ABLIM2: variants seen among roughly 807,000 people sequenced by gnomAD.
The protein encoded by ABLIM2 is actin binding LIM protein family member 2.
A neutral mutation model predicts 97.7 loss-of-function variants in ABLIM2; 53 were observed. The ratio of observed to expected loss-of-function variants is 0.54; its 90% CI spans 0.44 to 0.68. ABLIM2 has a LOEUF of 0.68. Among genes scored for constraint, ABLIM2 ranks in the 30% least tolerant of loss-of-function variants. The pLI, the probability that ABLIM2 is intolerant of heterozygous loss-of-function variation, is 0.00. For synonymous variants in ABLIM2, 361 were observed against 345.8 expected (o/e 1.04, Z -0.49); for missense variants, 835 against 867.2 (o/e 0.96, Z 0.47).
intron 20 of ABLIM2, among the ~76,000 whole-genome samples, chr4:7,980,355 G>A (rs993546475): frequency 2.0e-5 from 3 of 152,166 alleles, no homozygotes; most frequent in Admixed American, 2.0e-4. Flanking sequence ...TCACATGACA[G>A]AGAGCAGGCC....
chr4:8,095,080 C>G lies in ABLIM2; in HGVS notation c.338+2019G>C, dbSNP rs919562705. Among the ~76,000 whole-genome samples the G allele has an allele frequency of 1.2e-4, 17 of 137,640 alleles. No homozygotes were observed. Among genetic ancestry groups the G allele is most frequent in the South Asian group, 2.3e-4 (1 of 4,434 alleles). 90.3% of individuals were successfully genotyped at this position (137,640 alleles called of 152,430 possible). On this transcript the variant is annotated intron_variant, in intron 3 of 20. Transcript: ENST00000447017. The surrounding 1 kb of genome is among the most constrained non-coding windows in gnomAD (Gnocchi z 4.7). ...TCTTTCTCTTTCTTTCTTTCTCTCT[C>G]TCTCTCTTTCTTTCTTTCTCTTTCC...
intron 6 of ABLIM2, among the ~76,000 whole-genome samples, chr4:8,066,072 C>T (rs1219948270): frequency 5.4e-5 from 8 of 149,504 alleles, no homozygotes; most frequent in African/African-American, 1.2e-4. Context: ...GAGGCTGAGG[C>T]GGGCGGATCA....
intron 9 of ABLIM2, among the ~76,000 whole-genome samples, chr4:8,040,590 G>A (rs1047558902): frequency 1.7e-4 from 26 of 149,714 alleles, no homozygotes; most frequent in Admixed American, 8.7e-4. Flanking sequence ...CAGCCTGGGC[G>A]ACAGAGCGAG....
chr4:8,106,209 C>T (rs62289384), intron 2 of ABLIM2, among the ~76,000 whole-genome samples: 27,159 of 152,162 alleles, frequency 0.18, 3,140 homozygotes, highest in Non-Finnish European at 0.26. Context: ...TTCCTCTGGC[C>T]GCAGGACCAG....
At chr4:8,152,791 C>T (rs1045281559) in intron 1 of ABLIM2, among the ~76,000 whole-genome samples, 8 of 152,198 alleles carry the variant, frequency 5.3e-5, no homozygotes, top group African/African-American at 9.6e-5. Context: ...GCCTCTACCA[C>T]GTGCCAGGCA....
rs531370097 is a variant in ABLIM2 at position 8,025,245 on chromosome 4, G to A, written c.1267+2514C>T. Among the ~76,000 whole-genome samples, 36 of 152,306 alleles carry A rather than the reference G, an allele frequency of 2.4e-4. No individual in the cohort carries two copies. In the South Asian group the frequency reaches 7.4e-3, roughly 32 times the overall value. ...GCCTGGCCTCATGTGATTTCTGAAC[G>A]AAGGGCACTGGCAGGCAATGTGGCC... On this transcript the variant is annotated intron_variant, in intron 12 of 20. Transcript: ENST00000447017.
At position 8,003,796 on chromosome 4, in the gene ABLIM2, C is replaced by G. The variant is rs1759051003; in HGVS notation, c.1618+4263G>C. On this transcript the variant is annotated intron_variant, in intron 16 of 20. Transcript: ENST00000447017. The surrounding 1 kb of genome is among the most constrained non-coding windows in gnomAD (Gnocchi z 4.2). ...GTCAGGCTGGTCTCGAACTCCTGAC[C>G]TCAGGTGATCTGCCCGCCTCGGCCT... Among the ~76,000 whole-genome samples, 1 of 152,056 alleles carries G rather than the reference C, an allele frequency of 6.6e-6. No individual in the cohort carries two copies. Among genetic ancestry groups the G allele is most frequent in the East Asian group, 1.9e-4 (1 of 5,144 alleles).
At position 8,127,597 on chromosome 4, in the gene ABLIM2, A is replaced by AGCGGGTCG. The variant is rs1467902340; in HGVS notation, c.11-20968_11-20961dup. Reference sequence around the variant, plus strand: ...GGAGCGTGGCTGCTTGCAAAGGGCCAGCGGGTCGGCGGCTCTCCCTCTGCG... The same window carrying AGCGGGTCG: ...GGAGCGTGGCTGCTTGCAAAGGGCCAGCGGGTCGGCGGGTCGGCGGCTCTCCCTCTGCG... On this transcript the variant is annotated intron_variant, in intron 1 of 20. Transcript: ENST00000447017. The surrounding 1 kb of genome is among the most constrained non-coding windows in gnomAD (Gnocchi z 7.3). 3.1e-6 allele frequency: 4 copies of AGCGGGTCG among 1,289,566 alleles called. No individual in the cohort carries two copies. The highest frequency in any genetic ancestry group is 2.1e-4 in the Middle Eastern group (1 of 4,714). The allele number at this position is 1,289,566 out of a possible 1,614,324, so 79.9% of individuals were successfully genotyped here.
chr4:8,047,885 T>C (rs1456175413), intron 8 of ABLIM2, among the ~76,000 whole-genome samples: 6 of 152,192 alleles, frequency 3.9e-5, no homozygotes. Flanking sequence ...GAGAACCCTC[T>C]CCTCTGCAAA....
intron 20 of ABLIM2, among the ~76,000 whole-genome samples, chr4:7,973,075 C>CTGTATG (rs1553878892): frequency 8.1e-6 from 1 of 123,978 alleles, no homozygotes; most frequent in East Asian, 2.2e-4. Flanking sequence ...GCTCCCCTTG[C>CTGTATG]TGTGTGTGTG....
chr4:8,100,872 T>C (rs1049673079), intron 2 of ABLIM2, among the ~76,000 whole-genome samples: 2 of 151,832 alleles, frequency 1.3e-5, no homozygotes, highest in African/African-American at 4.8e-5. Flanking sequence ...ACATTTACTG[T>C]GGGGCATGCA....
chr4:8,080,826 A>G, intron 4 of ABLIM2, 24 bp from the exon 5 acceptor site: 3 of 1,589,740 alleles, frequency 1.9e-6, no homozygotes, highest in Non-Finnish European at 2.6e-6. Context: ...AAGAGAACAC[A>G]GACACCCCCA....
chr4:7,976,273 C>T (rs1388454087), intron 20 of ABLIM2, among the ~76,000 whole-genome samples: 4 of 152,150 alleles, frequency 2.6e-5, no homozygotes, highest in East Asian at 3.8e-4. Flanking sequence ...TCCGCCCCTT[C>T]GACTTCCCAC....
At chr4:7,989,455 C>T (rs1747012116) in intron 17 of ABLIM2, 2 of 985,264 alleles carry the variant, frequency 2.0e-6, no homozygotes, top group East Asian at 1.1e-4. Flanking sequence ...CTGGCATTGC[C>T]ATGTTGCTTG....
intron 3 of ABLIM2, among the ~76,000 whole-genome samples, chr4:8,096,532 A>G (rs1356656143): frequency 1.3e-5 from 2 of 152,178 alleles, no homozygotes; most frequent in Non-Finnish European, 2.9e-5. Context: ...CGAAGGTTCC[A>G]TTTCTGTCTC....
At position 8,150,432 on chromosome 4, in the gene ABLIM2, G is replaced by A. The variant is rs149442783; in HGVS notation, c.10+8248C>T. On this transcript the variant is annotated intron_variant, in intron 1 of 20. Transcript: ENST00000447017. This position sits in a 1 kb window ranked among gnomAD's most constrained non-coding sequence, Gnocchi z 6.3. Reference sequence around the variant, plus strand: ...AGGGGAGCCAGTACAAGGCCCCATCGTGCCCTGAGGACAGACGCCAGCGAG... The same window carrying A: ...AGGGGAGCCAGTACAAGGCCCCATCATGCCCTGAGGACAGACGCCAGCGAG... Among the ~76,000 whole-genome samples, 1,348 of 152,290 alleles carry A rather than the reference G, an allele frequency of 8.9e-3. 25 individuals are homozygous for A. The highest frequency in any genetic ancestry group is 0.027 in the African/African-American group (1,137 of 41,538).
At chr4:8,116,510 AG>A (rs1318314106) in intron 1 of ABLIM2, among the ~76,000 whole-genome samples, 2 of 152,188 alleles carry the variant, frequency 1.3e-5, no homozygotes, top group East Asian at 3.9e-4. Flanking sequence ...GGATTTTGCA[AG>A]GGGTCTGTAA....
intron 9 of ABLIM2, 106 bp from the exon 10 acceptor site, chr4:8,036,401 G>C: frequency 7.2e-7 from 1 of 1,382,044 alleles, no homozygotes; most frequent in Non-Finnish European, 9.9e-7. Flanking sequence ...CCCAAAGCCA[G>C]ATGCATCCCA....
Position 8,019,307 on chromosome 4 carries a change from T to A in ABLIM2, c.1423+311A>T, listed in dbSNP as rs1360641746. Among the ~76,000 whole-genome samples the A allele has an allele frequency of 6.6e-5, 10 of 152,214 alleles. No homozygotes were observed. Reference sequence around the variant, plus strand: ...CCATCTTGGCTAAAGTCTCTCTGGCTGCATAATTGAAGGCGCCACCACCAG... The same window carrying A: ...CCATCTTGGCTAAAGTCTCTCTGGCAGCATAATTGAAGGCGCCACCACCAG... On this transcript the variant is annotated intron_variant, in intron 14 of 20. Transcript: ENST00000447017. This position sits in a 1 kb window ranked among gnomAD's most constrained non-coding sequence, Gnocchi z 4.3.
Sources: allele counts gnomAD v4.1 joint callset (sites outside exome capture counted in the v4.1 genomes callset), GRCh38; gene constraint gnomAD v4.1.1; non-coding constraint Gnocchi (gnomAD v3.1); transcripts MANE v1.5; gene names NCBI Gene and HGNC (gene_info 2026-07-23, HGNC 2026-07-21).